Variants in EHF observed in about 807,000 individuals in gnomAD.
EHF encodes ETS homologous factor, also known as ESE3 transcription factor.
A neutral mutation model predicts 45.1 loss-of-function variants in EHF; 14 were observed. The ratio of observed to expected loss-of-function variants is 0.31; its 90% confidence interval spans 0.21 to 0.49. The LOEUF (loss-of-function observed/expected upper bound fraction) is 0.49, where lower values mean the gene tolerates loss of function less well. Ranked by LOEUF, EHF falls within the 20% of genes least tolerant of loss-of-function variation. The pLI is 0.99. For missense variants in EHF, 282 were observed against 371.4 expected (o/e 0.76, Z 1.98); for synonymous variants, 136 against 131.8 (o/e 1.03, Z -0.22).
At chr11:34,651,464 A>G in intron 4 of EHF, 78 bp from the exon 5 acceptor site, 1 of 1,224,616 alleles carries the variant, frequency 8.2e-7, no homozygotes, top group Non-Finnish European at 1.2e-6. Context: ...TTGTTGATGA[A>G]CAATGAATTA....
intron 6 of EHF, among the ~76,000 whole-genome samples, chr11:34,653,058 C>T (rs530634977): frequency 6.6e-6 from 1 of 152,190 alleles, no homozygotes; most frequent in African/African-American, 2.4e-5. Context: ...GCCACTCAGT[C>T]AAGACCATGG....
At chr11:34,632,648 T>A in intron 1 of EHF, 2 of 1,535,594 alleles carry the variant, frequency 1.3e-6, no homozygotes. Context: ...GAAATTCTTT[T>A]CAAGGTTGGT....
At chr11:34,639,557 G>A (rs1464525113) in intron 1 of EHF, among the ~76,000 whole-genome samples, 1 of 152,220 alleles carries the variant, frequency 6.6e-6, no homozygotes, top group African/African-American at 2.4e-5. Context: ...CTCGGCCAAA[G>A]CCCTTCTGCT....
chr11:34,643,986 T>C lies in EHF; in HGVS notation c.97+1259T>C, dbSNP rs184896867. On this transcript the variant is annotated intron_variant, in intron 2 of 8. Transcript: ENST00000257831. ...AGACTGAAGAGGAAAAGGAGATCAG[T>C]TGAATGGCAGAGAGGATGTGAACTC... Among the ~76,000 whole-genome samples, 4 of 152,302 alleles carry C rather than the reference T, an allele frequency of 2.6e-5. No homozygotes were observed. The South Asian group carries it at 6.2e-4, about 24-fold the overall frequency.
chr11:34,637,466 A>T (rs1205467984), intron 1 of EHF, among the ~76,000 whole-genome samples: 2 of 152,162 alleles, frequency 1.3e-5, no homozygotes, highest in Non-Finnish European at 1.5e-5. Context: ...AGGCTGGCCT[A>T]TCTCCCGCCA....
chr11:34,653,552 A>C (rs1855400534), intron 6 of EHF, among the ~76,000 whole-genome samples: 1 of 151,966 alleles, frequency 6.6e-6, no homozygotes, highest in African/African-American at 2.4e-5. Context: ...GCAGCTCCCC[A>C]TTTCTATCCT....
chr11:34,626,388 A>T (rs1170387432), intron 1 of EHF, among the ~76,000 whole-genome samples: 3 of 152,222 alleles, frequency 2.0e-5, no homozygotes, highest in Admixed American at 2.0e-4. Flanking sequence ...TGTGGAGGTT[A>T]TTCCAGGCTT....
intron 2 of EHF, among the ~76,000 whole-genome samples, chr11:34,644,594 CTT>C (rs1387384544): frequency 6.6e-6 from 1 of 152,220 alleles, no homozygotes; most frequent in Non-Finnish European, 1.5e-5. Flanking sequence ...GCTAGATAAA[CTT>C]GACCTCCTGC....
chr11:34,641,709 G>GA (rs754114134), intron 1 of EHF, among the ~76,000 whole-genome samples: 10 of 152,194 alleles, frequency 6.6e-5, no homozygotes, highest in Non-Finnish European at 1.5e-4. Context: ...CACGGTTGGG[G>GA]ATCTGTTCTG....
Position 34,658,746 on chromosome 11 carries a change from T to A in EHF, c.803+18T>A. On this transcript the variant is annotated intron_variant, in intron 8 of 8. Transcript: ENST00000257831. ...GCTATGAGGTGAGGAGTTTCATGTC[T>A]CTGAAAACAAAAAGGCTGTACGACC... The A allele has an allele frequency of 6.2e-7, 1 of 1,609,154 alleles. No homozygotes were observed. Among genetic ancestry groups the A allele is most frequent in the South Asian group, 1.1e-5 (1 of 90,220 alleles).
At chr11:34,639,430 A>G (rs1590462505) in intron 1 of EHF, among the ~76,000 whole-genome samples, 2 of 152,336 alleles carry the variant, frequency 1.3e-5, no homozygotes, top group South Asian at 2.1e-4. Context: ...TTTTTTTACA[A>G]TTCTCAAGTC....
At chr11:34,656,280 A>G (rs1203023380) in intron 6 of EHF, among the ~76,000 whole-genome samples, 2 of 152,138 alleles carry the variant, frequency 1.3e-5, no homozygotes, top group Non-Finnish European at 2.9e-5. Flanking sequence ...TGGGCCACTC[A>G]ATGGCGCCTT....
At chr11:34,651,658 T>C in intron 5 of EHF, 48 bp downstream of exon 5, 1 of 1,609,064 alleles carries the variant, frequency 6.2e-7, no homozygotes, top group Non-Finnish European at 8.5e-7. Context: ...TTATTCAGTT[T>C]GTCTAAGAGC....
chr11:34,660,580 C>A lies in EHF; in HGVS notation c.*1649C>A, dbSNP rs901438754. The A allele has an allele frequency of 2.6e-5, 4 of 152,152 alleles. No individual in the cohort carries two copies. The highest frequency in any genetic ancestry group is 2.0e-4 in the Admixed American group (3 of 15,260). 9.4% of individuals were successfully genotyped at this position (152,152 alleles called of 1,614,324 possible). A position where few individuals can be genotyped will look rare whatever the true frequency, so the allele number is the denominator to read the frequency against. ...TTGTTCTGGGGGTCCTGGAGACTTA[C>A]CATTGAGCCATGCAATCTGGGAAGC... On this transcript the variant is annotated 3_prime_UTR_variant, in exon 9 of 9. Coordinates refer to ENST00000257831, the MANE Select transcript of EHF (RefSeq NM_012153.6).
intron 6 of EHF, 130 bp downstream of exon 6, chr11:34,651,935 A>G: frequency 1.1e-6 from 1 of 880,534 alleles, no homozygotes. Flanking sequence ...GGATGGGGTT[A>G]CCATTAGACG....
chr11:34,634,445 T>C (rs549223667), intron 1 of EHF, among the ~76,000 whole-genome samples: 43 of 152,270 alleles, frequency 2.8e-4, no homozygotes, highest in Non-Finnish European at 4.6e-4. Context: ...GGGGATAATG[T>C]GGTTGGATGA....
rs545638754 is a variant in EHF, at chr11:34,663,155, C to A, written c.*4224C>A. On this transcript the variant is annotated 3_prime_UTR_variant, in exon 9 of 9. Transcript: ENST00000257831. ...ATTTAAAAAAAATCAGAAATCTTTC[C>A]CTTTAAGCTATGTTAAATTCAAACT... is the stretch of plus-strand genomic sequence containing the variant. Among the ~76,000 whole-genome samples, 6 of 152,176 alleles carry A rather than the reference C, an allele frequency of 3.9e-5. No individual in the cohort carries two copies. Among genetic ancestry groups the A allele is most frequent in the African/African-American group, 1.4e-4 (6 of 41,538 alleles).
chr11:34,652,727 T>C (rs1247818131), intron 6 of EHF, among the ~76,000 whole-genome samples: 1 of 152,192 alleles, frequency 6.6e-6, no homozygotes, highest in Non-Finnish European at 1.5e-5. Context: ...TCTGCAACCC[T>C]TCCTTCCTCT....
At chr11:34,624,168 G>A (rs1205236092) in intron 1 of EHF, 3 of 500,174 alleles carry the variant, frequency 6.0e-6, no homozygotes, top group Non-Finnish European at 7.8e-6. Flanking sequence ...ATCGCTCTCT[G>A]GTAGAGTTGA....
Sources: gnomAD v4.1 joint callset for allele counts (sites outside exome capture counted in the v4.1 genomes callset) on GRCh38, gnomAD v4.1.1 for gene constraint, MANE v1.5 for transcripts, NCBI Gene and HGNC (gene_info 2026-07-23, HGNC 2026-07-21) for gene names.